Variants in KLF8 observed in about 807,000 individuals in gnomAD.
KLF8 encodes the protein Krueppel-like factor 8.
A neutral mutation model predicts 18.2 loss-of-function variants in KLF8; 10 were observed. That is an observed-to-expected ratio of 0.55 (90% confidence interval 0.34 to 0.93). KLF8 has a LOEUF of 0.93. Ranked by LOEUF, KLF8 falls within the 40% of genes least tolerant of loss-of-function variation. KLF8 has a pLI of 0.02. For synonymous variants in KLF8, 109 were observed against 97.3 expected, an observed-to-expected ratio of 1.12 and a Z score of -0.71; for missense variants, 264 against 277.9, an observed-to-expected ratio of 0.95 and a Z score of 0.36.
the KLF8 span, among the ~76,000 whole-genome samples, chrX:56,038,333 G>A: frequency 9.0e-6 from 1 of 111,495 alleles, no homozygotes; most frequent in South Asian, 3.8e-4. Context: ...TAGATATTAA[G>A]CCCAGCATCC....
the KLF8 span, among the ~76,000 whole-genome samples, chrX:56,173,295 T>A: frequency 8.9e-6 from 1 of 112,023 alleles, no homozygotes; most frequent in East Asian, 2.8e-4. Flanking sequence ...AAGGAAGGGA[T>A]CCAGTTTCAG....
the KLF8 span, among the ~76,000 whole-genome samples, chrX:55,917,507 G>T: frequency 1.8e-5 from 2 of 111,760 alleles, no homozygotes; most frequent in African/African-American, 6.5e-5. Flanking sequence ...ATACTAAAAT[G>T]GTCATGATGG....
the KLF8 span, among the ~76,000 whole-genome samples, chrX:56,197,355 T>C: frequency 1.8e-5 from 2 of 109,688 alleles, no homozygotes; most frequent in Non-Finnish European, 3.8e-5. Context: ...GCAAGACTAA[T>C]AAAAAAGACA....
the KLF8 span, among the ~76,000 whole-genome samples, chrX:55,952,806 C>T: frequency 1.8e-5 from 2 of 111,993 alleles, no homozygotes; most frequent in South Asian, 3.7e-4. Context: ...TCCTCTATAA[C>T]ACATCACAAA....
the KLF8 span, among the ~76,000 whole-genome samples, chrX:56,223,541 G>C: frequency 5.8e-4 from 65 of 112,537 alleles, no homozygotes; most frequent in African/African-American, 2.1e-3. Flanking sequence ...GCCAGTCGGT[G>C]AATTTAGCAA....
rs549098368 is a variant in KLF8, at chrX:56,245,194, G to T, written c.8-5037G>T. 5.4e-5 allele frequency among the ~76,000 whole-genome samples: 6 copies of T among 112,070 alleles called. No homozygotes were observed. In the South Asian group the frequency reaches 2.2e-3, roughly 42 times the overall value. On this transcript the variant is annotated intron_variant, in intron 1 of 5. Coordinates refer to ENST00000468660, the MANE Select transcript of KLF8 (RefSeq NM_007250.5). ...TGTCAAAGCACAAGGTCTTTCTTAG[G>T]CCCGGGTCAGGGTTTCCAGTGCTCT... is the stretch of plus-strand genomic sequence containing the variant.
chrX:56,085,578 C>G, the KLF8 span, among the ~76,000 whole-genome samples: 2 of 112,221 alleles, frequency 1.8e-5, no homozygotes. Flanking sequence ...TTTAGTCTAT[C>G]ATTTCATATG....
At chrX:56,034,388 C>T in the KLF8 span, among the ~76,000 whole-genome samples, 7 of 112,001 alleles carry the variant, frequency 6.2e-5, no homozygotes, top group African/African-American at 2.3e-4. Context: ...TATTGTTATG[C>T]CAGTACCATG....
At chrX:55,942,891 T>C in the KLF8 span, among the ~76,000 whole-genome samples, 1 of 111,866 alleles carries the variant, frequency 8.9e-6, no homozygotes, top group African/African-American at 3.3e-5. Flanking sequence ...AAGAGAGTTC[T>C]TTAAAGCACT....
chrX:56,070,551 C>T, the KLF8 span, among the ~76,000 whole-genome samples: 2 of 111,434 alleles, frequency 1.8e-5, no homozygotes, highest in African/African-American at 6.5e-5. Context: ...CCTCAGCAAA[C>T]TAACACAGGA....
the KLF8 span, among the ~76,000 whole-genome samples, chrX:55,953,171 A>G: frequency 1.8e-3 from 202 of 111,655 alleles, no homozygotes; most frequent in African/African-American, 6.3e-3. Context: ...CCTGCCTGAC[A>G]TCTTGGAGCT....
the KLF8 span, among the ~76,000 whole-genome samples, chrX:56,039,765 G>A: frequency 2.7e-5 from 3 of 111,545 alleles, no homozygotes; most frequent in Admixed American, 2.9e-4. Flanking sequence ...ATTCCAAGAA[G>A]AATGTCAATG....
At chrX:56,174,568 G>A in the KLF8 span, among the ~76,000 whole-genome samples, 3 of 111,206 alleles carry the variant, frequency 2.7e-5, no homozygotes, top group East Asian at 2.8e-4. Flanking sequence ...TTTTTTTGTT[G>A]TGTCTCTGCC....
At chrX:56,101,825 G>C in the KLF8 span, among the ~76,000 whole-genome samples, 1 of 111,410 alleles carries the variant, frequency 9.0e-6, no homozygotes, top group Non-Finnish European at 1.9e-5. Flanking sequence ...GATTTGCTTA[G>C]GTTCCTTATG....
the KLF8 span, chrX:55,961,591 C>T: frequency 4.1e-6 from 2 of 486,071 alleles, no homozygotes; most frequent in Non-Finnish European, 7.7e-6. Context: ...ATTCACTGTG[C>T]ATACCATTTC....
At chrX:56,070,454 C>T in the KLF8 span, among the ~76,000 whole-genome samples, 2 of 109,204 alleles carry the variant, frequency 1.8e-5, no homozygotes, top group Non-Finnish European at 3.8e-5. Context: ...GAGTGTGGTA[C>T]ATATAAACCA....
the KLF8 span, among the ~76,000 whole-genome samples, chrX:56,059,291 G>A: frequency 8.1e-5 from 9 of 111,285 alleles, no homozygotes; most frequent in South Asian, 1.9e-3. Flanking sequence ...ATTTTTTCCC[G>A]TTCTGTAGGT....
chrX:56,161,768 C>G, the KLF8 span, among the ~76,000 whole-genome samples: 1 of 112,099 alleles, frequency 8.9e-6, no homozygotes, highest in Non-Finnish European at 1.9e-5. Context: ...CTGCTCTCAA[C>G]TCGTCAAAGT....
the KLF8 span, among the ~76,000 whole-genome samples, chrX:56,062,932 T>G: frequency 9.0e-6 from 1 of 110,746 alleles, no homozygotes; most frequent in South Asian, 3.8e-4. Context: ...ATCTCTGATA[T>G]CCTTTCTTTT....
Sources: gnomAD v4.1 joint callset for allele counts (sites outside exome capture counted in the v4.1 genomes callset) on GRCh38, gnomAD v4.1.1 for gene constraint, MANE v1.5 for transcripts, NCBI Gene and HGNC (gene_info 2026-07-23, HGNC 2026-07-21) for gene names.